Variants in MSH4 observed in about 807,000 individuals in gnomAD.
The protein encoded by MSH4 is mutS homolog 4, also known as mutS protein homolog 4.
In MSH4, 106 loss-of-function variants were observed where a neutral mutation model predicts 113.7. The ratio of observed to expected loss-of-function variants is 0.93; its 90% confidence interval spans 0.80 to 1.10. The LOEUF (loss-of-function observed/expected upper bound fraction) is 1.10. Ranked by LOEUF, MSH4 falls within the 50% of genes least tolerant of loss-of-function variation. MSH4 has a pLI of 0.00. For synonymous variants in MSH4, 368 were observed against 380.2 expected (o/e 0.97, Z 0.37); for missense variants, 1,061 against 1,093.7 (o/e 0.97, Z 0.42).
intron 17 of MSH4, among the ~76,000 whole-genome samples, chr1:75,897,649 A>C (rs1252277272): frequency 6.6e-6 from 1 of 151,966 alleles, no homozygotes; most frequent in Non-Finnish European, 1.5e-5. Context: ...TTTTATTTTC[A>C]GTTTTGTTCT....
intron 15 of MSH4, among the ~76,000 whole-genome samples, chr1:75,885,057 G>GTATATATATATATATATATATATA (rs1440064046): frequency 1.7e-5 from 2 of 114,532 alleles, no homozygotes; most frequent in African/African-American, 7.8e-5. Context: ...GTGTGTGTGT[G>GTATATATATATATATATATATATA]TGTATATATA....
At chr1:75,847,888 C>T (rs759179753) in intron 7 of MSH4, among the ~76,000 whole-genome samples, 10 of 152,122 alleles carry the variant, frequency 6.6e-5, no homozygotes, top group Non-Finnish European at 1.2e-4. Flanking sequence ...CTAGACTCCA[C>T]CTATTAAATG....
At chr1:75,893,022 C>T (rs569238377) in intron 17 of MSH4, among the ~76,000 whole-genome samples, 1 of 152,264 alleles carries the variant, frequency 6.6e-6, no homozygotes, top group East Asian at 1.9e-4. Context: ...TAGCTAGAAA[C>T]CACAGGTGTT....
intron 7 of MSH4, among the ~76,000 whole-genome samples, chr1:75,842,699 T>C (rs1276634353): frequency 3.3e-5 from 5 of 152,184 alleles, no homozygotes; most frequent in African/African-American, 9.6e-5. Flanking sequence ...GAGGGCTCCT[T>C]GGTCTAGTGG....
intron 8 of MSH4, among the ~76,000 whole-genome samples, chr1:75,863,299 A>G (rs1651498698): frequency 1.3e-5 from 2 of 152,218 alleles, no homozygotes; most frequent in Non-Finnish European, 2.9e-5. Context: ...CAATTACAGC[A>G]TAGTATTATC....
Position 75,810,756 on chromosome 1 carries a change from T to A in MSH4, c.648T>A (p.Cys216Ter), listed in dbSNP as rs745924728. ...PLEIIMSNTA[C>*]AVGNSTKLFT... is the part of the protein sequence containing the mutation. ...AAATAATAATGTCAAATACTGCTTG[T>A]GCTGTGGGGAATTCCACCAAGTTGT... Residue 216 changes from cysteine to a stop codon, truncating the protein, a stop_gained, in exon 4 of 20, where the codon TGT becomes TGA. Coordinates refer to ENST00000263187, the MANE Select transcript of MSH4 (RefSeq NM_002440.4). LOFTEE classifies it high-confidence loss of function. The A allele has an allele frequency of 1.3e-6, 2 of 1,591,804 alleles. No homozygotes were observed. The highest frequency in any genetic ancestry group is 2.7e-5 in the African/African-American group (2 of 73,482).
rs1649834131 is a variant in MSH4 at position 75,797,166 on chromosome 1, G to A, written c.181G>A (p.Gly61Ser). ...STCPGTSGAA[G>S]DRSSSSSSLP... is the part of the protein sequence containing the mutation. Reference sequence around the variant, plus strand: ...CTGTCCTGGCACGTCAGGAGCTGCGGGCGACCGGAGCAGCAGCAGCAGCAG... The same window carrying A: ...CTGTCCTGGCACGTCAGGAGCTGCGAGCGACCGGAGCAGCAGCAGCAGCAG... The change falls in exon 1 of 20, where the codon GGC becomes AGC. Residue 61 changes from glycine to serine, a missense_variant. By Grantham distance (56) the Gly-to-Ser change is moderately conservative (BLOSUM62 0). Coordinates refer to ENST00000263187, the MANE Select transcript of MSH4 (RefSeq NM_002440.4). The A allele has an allele frequency of 6.2e-7, 1 of 1,611,372 alleles. No homozygotes were observed. Among genetic ancestry groups the A allele is most frequent in the African/African-American group, 1.3e-5 (1 of 74,890 alleles).
At chr1:75,858,773 G>A (rs1043085447) in intron 8 of MSH4, among the ~76,000 whole-genome samples, 9 of 152,168 alleles carry the variant, frequency 5.9e-5, no homozygotes, top group African/African-American at 2.2e-4. Flanking sequence ...GGATGATGCT[G>A]GCCTCATAAA....
intron 9 of MSH4, among the ~76,000 whole-genome samples, chr1:75,872,223 A>C (rs993633838): frequency 5.9e-5 from 9 of 152,220 alleles, no homozygotes; most frequent in African/African-American, 2.2e-4. Context: ...ACACAGCTAC[A>C]GGTCAGATGT....
intron 2 of MSH4, 36 bp downstream of exon 2, chr1:75,803,949 T>G (rs1359053687): frequency 7.3e-7 from 1 of 1,378,408 alleles, no homozygotes; most frequent in African/African-American, 1.5e-5. Flanking sequence ...GATGATGTTT[T>G]GAAACTTAAA....
chr1:75,908,212 C>G (rs1462310482), intron 19 of MSH4, among the ~76,000 whole-genome samples: 1 of 142,946 alleles, frequency 7.0e-6, no homozygotes, highest in Non-Finnish European at 1.5e-5. Flanking sequence ...GTGGTGTGAT[C>G]TCAGCTCACT....
rs1170870101 is a variant in MSH4, at chr1:75,907,769, C to T, written c.2620-4927C>T. 4.6e-5 allele frequency among the ~76,000 whole-genome samples: 5 copies of T among 109,008 alleles called. No individual in the cohort carries two copies. In the South Asian group the frequency reaches 1.1e-3, roughly 23 times the overall value. 71.5% of individuals were successfully genotyped at this position (109,008 alleles called of 152,430 possible). A position where few individuals can be genotyped will look rare whatever the true frequency, so the allele number is the denominator to read the frequency against. ...TATTCCTTTCATTCTGTTTTTTTTT[C>T]CCTCTGACTATATCTTGGCTTACTG... On this transcript the variant is annotated intron_variant, in intron 19 of 19. Transcript: ENST00000263187.
At chr1:75,909,324 C>A (rs1405518308) in intron 19 of MSH4, among the ~76,000 whole-genome samples, 1 of 152,018 alleles carries the variant, frequency 6.6e-6, no homozygotes, top group Non-Finnish European at 1.5e-5. Context: ...ACTTCTCTGT[C>A]TCCCAACTAT....
At chr1:75,805,322 A>G (rs904961263) in intron 2 of MSH4, among the ~76,000 whole-genome samples, 7 of 151,896 alleles carry the variant, frequency 4.6e-5, no homozygotes, top group South Asian at 2.1e-4. Flanking sequence ...ACACCCTTAG[A>G]AGTCAAATTA....
chr1:75,815,637 G>T (rs1370448802), intron 5 of MSH4, among the ~76,000 whole-genome samples: 1 of 152,100 alleles, frequency 6.6e-6, no homozygotes, highest in Non-Finnish European at 1.5e-5. Flanking sequence ...TTTGAGTCAG[G>T]TTGGATTACC....
chr1:75,854,458 C>T (rs1008176488), intron 8 of MSH4, among the ~76,000 whole-genome samples: 13 of 152,102 alleles, frequency 8.5e-5, no homozygotes. Flanking sequence ...AAACCTGTGT[C>T]AGGGTTTCCC....
At chr1:75,885,355 A>G (rs1652052084) in intron 15 of MSH4, among the ~76,000 whole-genome samples, 1 of 132,430 alleles carries the variant, frequency 7.6e-6, no homozygotes, top group African/African-American at 2.9e-5. Flanking sequence ...ATATATATAT[A>G]TAAAGGTATG....
rs1252387924 is a variant in MSH4, at chr1:75,898,035, G to T, written c.2484G>T (p.Leu828Phe). 6.2e-7 allele frequency: 1 copy of T among 1,602,316 alleles called. No homozygotes were observed. The highest frequency in any genetic ancestry group is 2.3e-5 in the East Asian group (1 of 44,350). The change falls in exon 18 of 20, where the codon TTG (leucine) becomes TTT (phenylalanine). Residue 828 changes from leucine (L) to phenylalanine (F), a missense_variant. Transcript: ENST00000263187. ...KNTSRNKEAI[L>F]YTYKLSKGLT... is the part of the protein sequence containing the mutation. ...CCTCAAGAAATAAAGAAGCAATTTT[G>T]TATACCTACAAACTTTCTAAGGGAC...
intron 6 of MSH4, among the ~76,000 whole-genome samples, chr1:75,816,974 T>G (rs1144341): frequency 0.87 from 131,541 of 152,052 alleles, 57,122 homozygotes; most frequent in South Asian, 0.94. Flanking sequence ...AAGAGGTAGG[T>G]TCTTGCTATT....
Sources: gnomAD v4.1 joint callset for allele counts (sites outside exome capture counted in the v4.1 genomes callset) on GRCh38, gnomAD v4.1.1 for gene constraint, MANE v1.5 for transcripts, NCBI Gene and HGNC (gene_info 2026-07-23, HGNC 2026-07-21) for gene names.